GPR39: variants seen among roughly 807,000 people sequenced by gnomAD.
GPR39 encodes the protein G protein-coupled receptor 39, also known as zinc sensing receptor.
Under a neutral mutation model 18.4 loss-of-function variants are expected in GPR39, and 23 were observed. The ratio of observed to expected loss-of-function variants is 1.25; its 90% CI spans 0.90 to 1.77. The LOEUF is 1.77. GPR39 is among the 40% of genes most tolerant of loss of function. GPR39 has a pLI of 0.00. For missense variants in GPR39, 647 were observed against 602.4 expected, an observed-to-expected ratio of 1.07 and a Z score of -0.78; for synonymous variants, 280 against 257.9, an observed-to-expected ratio of 1.09 and a Z score of -0.82.
At chr2:132,518,878 A>C (rs1357122179) in intron 1 of GPR39, among the ~76,000 whole-genome samples, 1 of 152,182 alleles carries the variant, frequency 6.6e-6, no homozygotes, top group African/African-American at 2.4e-5. Flanking sequence ...TTTTACATTT[A>C]TGGTACATCT....
intron 1 of GPR39, among the ~76,000 whole-genome samples, chr2:132,495,817 T>TTCCCCTTCTCACCCC (rs1298746642): frequency 6.6e-6 from 1 of 151,878 alleles, no homozygotes; most frequent in Non-Finnish European, 1.5e-5. Flanking sequence ...CTCTCTTCTC[T>TTCCCCTTCTCACCCC]TCCCCTTCTC....
At chr2:132,550,300 G>A (rs1363178724) in intron 1 of GPR39, among the ~76,000 whole-genome samples, 1 of 152,168 alleles carries the variant, frequency 6.6e-6, no homozygotes, top group Admixed American at 6.5e-5. Flanking sequence ...ATATAAGGAG[G>A]CGTTGGATCA....
intron 1 of GPR39, among the ~76,000 whole-genome samples, chr2:132,546,930 G>T (rs1166949271): frequency 6.6e-6 from 1 of 151,250 alleles, no homozygotes; most frequent in Non-Finnish European, 1.5e-5. Flanking sequence ...TGACATTTTG[G>T]CTCTGCCCCT....
At chr2:132,624,587 A>G (rs1318698667) in intron 1 of GPR39, among the ~76,000 whole-genome samples, 1 of 152,214 alleles carries the variant, frequency 6.6e-6, no homozygotes, top group Non-Finnish European at 1.5e-5. Flanking sequence ...GTCCTCTTGT[A>G]CTTATTCCCT....
At chr2:132,452,940 T>C (rs971984297) in intron 1 of GPR39, among the ~76,000 whole-genome samples, 2 of 152,236 alleles carry the variant, frequency 1.3e-5, no homozygotes, top group East Asian at 3.8e-4. Context: ...GCAATAAACA[T>C]ACATGTGCAT....
intron 1 of GPR39, among the ~76,000 whole-genome samples, chr2:132,527,961 T>C (rs957446270): frequency 6.6e-6 from 1 of 152,210 alleles, no homozygotes; most frequent in Non-Finnish European, 1.5e-5. Context: ...TGTTTTGCTT[T>C]TGTTACCATT....
At chr2:132,613,236 C>T (rs543286584) in intron 1 of GPR39, among the ~76,000 whole-genome samples, 1 of 152,240 alleles carries the variant, frequency 6.6e-6, no homozygotes, top group South Asian at 2.1e-4. Context: ...TTTCTTGTTG[C>T]ACTTGCTCTG....
At chr2:132,599,482 C>T (rs999926048) in intron 1 of GPR39, among the ~76,000 whole-genome samples, 1 of 152,048 alleles carries the variant, frequency 6.6e-6, no homozygotes, top group South Asian at 2.1e-4. Context: ...TTTCTCTGCA[C>T]GAGGTGAATG....
chr2:132,600,574 G>A (rs1004642131), intron 1 of GPR39, among the ~76,000 whole-genome samples: 16 of 152,056 alleles, frequency 1.1e-4, no homozygotes, highest in South Asian at 2.1e-4. Context: ...AGACTATTAT[G>A]AACAACTACA....
intron 1 of GPR39, among the ~76,000 whole-genome samples, chr2:132,557,076 G>A (rs1680165751): frequency 1.9e-5 from 2 of 104,960 alleles, no homozygotes; most frequent in Admixed American, 9.2e-5. Context: ...GGCACTTTGG[G>A]AGGCCAAGGG....
At chr2:132,583,215 C>T (rs934697284) in intron 1 of GPR39, among the ~76,000 whole-genome samples, 2 of 151,892 alleles carry the variant, frequency 1.3e-5, no homozygotes, top group Admixed American at 6.6e-5. Flanking sequence ...ACAAGTAGTA[C>T]CTACTGTTTC....
At chr2:132,631,111 G>T (rs1248431398) in intron 1 of GPR39, among the ~76,000 whole-genome samples, 1 of 152,072 alleles carries the variant, frequency 6.6e-6, no homozygotes, top group Non-Finnish European at 1.5e-5. Flanking sequence ...AAGAAGGGAG[G>T]TAGAGAGCTG....
At chr2:132,529,545 G>A (rs571522231) in intron 1 of GPR39, among the ~76,000 whole-genome samples, 16 of 152,196 alleles carry the variant, frequency 1.1e-4, no homozygotes, top group Non-Finnish European at 1.0e-4. Context: ...GAGAATGGGC[G>A]GACTGCCTCC....
At chr2:132,535,211 T>C (rs1443352419) in intron 1 of GPR39, among the ~76,000 whole-genome samples, 1 of 152,196 alleles carries the variant, frequency 6.6e-6, no homozygotes, top group Non-Finnish European at 1.5e-5. Context: ...ATGTCATAAA[T>C]AGCTCTTATT....
At chr2:132,494,692 C>T (rs1320455801) in intron 1 of GPR39, among the ~76,000 whole-genome samples, 2 of 152,180 alleles carry the variant, frequency 1.3e-5, no homozygotes, top group East Asian at 1.9e-4. Context: ...ATATAACATC[C>T]AGGCATGGGT....
intron 1 of GPR39, among the ~76,000 whole-genome samples, chr2:132,577,872 CT>C (rs1291290309): frequency 6.6e-6 from 1 of 151,930 alleles, no homozygotes; most frequent in Non-Finnish European, 1.5e-5. Context: ...TTTTATTTCC[CT>C]TTTTTGTCTG....
intron 1 of GPR39, among the ~76,000 whole-genome samples, chr2:132,640,916 T>C (rs1228510037): frequency 6.6e-6 from 1 of 152,016 alleles, no homozygotes; most frequent in Non-Finnish European, 1.5e-5. Context: ...TTACAAGGGG[T>C]CAAATTTGGT....
intron 1 of GPR39, among the ~76,000 whole-genome samples, chr2:132,524,830 T>G (rs1306898196): frequency 5.9e-5 from 9 of 152,258 alleles, no homozygotes; most frequent in Admixed American, 5.9e-4. Flanking sequence ...CATGTTACTG[T>G]GTTGTCACAT....
chr2:132,534,008 A>G (rs1410469167), intron 1 of GPR39, among the ~76,000 whole-genome samples: 3 of 152,224 alleles, frequency 2.0e-5, no homozygotes, highest in African/African-American at 4.8e-5. Context: ...TAATTAAACT[A>G]AAGAGCTTCT....
Sources: gnomAD v4.1 joint callset for allele counts (sites outside exome capture counted in the v4.1 genomes callset) on GRCh38, gnomAD v4.1.1 for gene constraint, MANE v1.5 for transcripts, NCBI Gene and HGNC (gene_info 2026-07-23, HGNC 2026-07-21) for gene names.